Variants in BBS9 observed in about 807,000 individuals in gnomAD.
BBS9 encodes protein PTHB1.
A neutral mutation model predicts 117.7 loss-of-function variants in BBS9; 89 were observed. That is an observed-to-expected ratio of 0.76 (90% confidence interval 0.64 to 0.90). The LOEUF (loss-of-function observed/expected upper bound fraction) is 0.90. BBS9 is among the 40% of genes least tolerant of loss of function. The probability of loss-of-function intolerance (pLI) is 0.00; values close to 1 mark genes in which losing one functional copy is unlikely to be tolerated. For missense variants in BBS9, 982 were observed against 1,042.2 expected, an observed-to-expected ratio of 0.94 and a Z score of 0.80; for synonymous variants, 379 against 370.9, an observed-to-expected ratio of 1.02 and a Z score of -0.25.
chr7:33,633,955 CA>C (rs1866020747), intron 21 of BBS9, among the ~76,000 whole-genome samples: 1 of 152,192 alleles, frequency 6.6e-6, no homozygotes, highest in Non-Finnish European at 1.5e-5. Flanking sequence ...CACCTAATGC[CA>C]TGGCCCTTCT....
chr7:33,403,706 A>C (rs1216070590), intron 19 of BBS9, among the ~76,000 whole-genome samples: 1 of 151,950 alleles, frequency 6.6e-6, no homozygotes, highest in Non-Finnish European at 1.5e-5. Flanking sequence ...TTCTTAATCC[A>C]GTCTATCATT....
At chr7:33,517,927 G>A (rs1020648687) in intron 20 of BBS9, among the ~76,000 whole-genome samples, 18 of 152,166 alleles carry the variant, frequency 1.2e-4, no homozygotes, top group African/African-American at 4.1e-4. Context: ...GTAGTTATAT[G>A]TGCATGTGCT....
chr7:33,548,143 T>C (rs1197527413), intron 21 of BBS9, among the ~76,000 whole-genome samples: 2 of 152,192 alleles, frequency 1.3e-5, no homozygotes, highest in Non-Finnish European at 2.9e-5. Context: ...CCAGGGGAGT[T>C]TGAGTAATTT....
chr7:33,204,388 C>T (rs889942540), intron 5 of BBS9, among the ~76,000 whole-genome samples: 6 of 133,318 alleles, frequency 4.5e-5, no homozygotes, highest in African/African-American at 8.7e-5. Flanking sequence ...GCCTGGGTGA[C>T]GGAGCCAGAC....
At chr7:33,432,481 A>G (rs373155675) in intron 19 of BBS9, among the ~76,000 whole-genome samples, 1 of 152,104 alleles carries the variant, frequency 6.6e-6, no homozygotes, top group African/African-American at 2.4e-5. Flanking sequence ...GATTATATAC[A>G]TCTTCTGTTT....
At chr7:33,312,608 T>C (rs1809523743) in intron 9 of BBS9, among the ~76,000 whole-genome samples, 1 of 152,224 alleles carries the variant, frequency 6.6e-6, no homozygotes, top group Admixed American at 6.5e-5. Flanking sequence ...CTTTCATTTT[T>C]ATCATAATTT....
intron 19 of BBS9, among the ~76,000 whole-genome samples, chr7:33,448,428 G>C (rs1444987890): frequency 6.6e-6 from 1 of 152,094 alleles, no homozygotes; most frequent in African/African-American, 2.4e-5. Context: ...GGCGGCATGG[G>C]GTAGGACTCC....
intron 19 of BBS9, among the ~76,000 whole-genome samples, chr7:33,405,457 G>A (rs1308068852): frequency 6.6e-6 from 1 of 152,136 alleles, no homozygotes; most frequent in Non-Finnish European, 1.5e-5. Flanking sequence ...GAATTCGGCT[G>A]TGAATCCATC....
chr7:33,372,824 A>G (rs556754451), intron 17 of BBS9, among the ~76,000 whole-genome samples: 2 of 152,250 alleles, frequency 1.3e-5, no homozygotes, highest in South Asian at 4.1e-4. Flanking sequence ...AACTGATTCA[A>G]TCTTCTTACT....
chr7:33,422,146 G>A (rs933383961), intron 19 of BBS9, among the ~76,000 whole-genome samples: 2 of 152,078 alleles, frequency 1.3e-5, no homozygotes, highest in East Asian at 1.9e-4. Context: ...TTGTATGTAC[G>A]GTTATAGCTG....
intron 1 of BBS9, among the ~76,000 whole-genome samples, chr7:33,138,205 T>C (rs921565069): frequency 6.8e-6 from 1 of 147,112 alleles, no homozygotes; most frequent in African/African-American, 2.4e-5. Flanking sequence ...ATGGGAATCA[T>C]GTAACTTATC....
At chr7:33,561,762 G>A (rs1856116723) in intron 21 of BBS9, among the ~76,000 whole-genome samples, 1 of 152,118 alleles carries the variant, frequency 6.6e-6, no homozygotes, top group African/African-American at 2.4e-5. Flanking sequence ...GCTTTAATTT[G>A]TGATCTTCCA....
chr7:33,453,570 G>A (rs1264041184), intron 19 of BBS9, among the ~76,000 whole-genome samples: 1 of 148,008 alleles, frequency 6.8e-6, no homozygotes, highest in Admixed American at 6.8e-5. Context: ...TGCCCAGGCT[G>A]CAATTCAATG....
rs1402936733 is a variant in BBS9, at chr7:33,584,532, A to G, written c.2522-20333A>G. On this transcript the variant is annotated intron_variant, in intron 21 of 22. Coordinates refer to ENST00000242067, the MANE Select transcript of BBS9 (RefSeq NM_198428.3). ...AGTCCAGAGTGCTCATCATTACACT[A>G]TGGAATCTCTATTTTTTTTTGAAAA... 2.0e-5 allele frequency among the ~76,000 whole-genome samples: 3 copies of G among 152,202 alleles called. No individual in the cohort carries two copies. The East Asian group carries it at 5.8e-4, about 29-fold the overall frequency.
intron 19 of BBS9, among the ~76,000 whole-genome samples, chr7:33,416,350 A>G (rs902209281): frequency 2.6e-5 from 4 of 151,538 alleles, no homozygotes; most frequent in African/African-American, 9.7e-5. Context: ...AGGTTCTGCT[A>G]TCTTGTATCA....
intron 21 of BBS9, among the ~76,000 whole-genome samples, chr7:33,619,796 A>C (rs953865258): frequency 1.3e-5 from 2 of 152,302 alleles, no homozygotes; most frequent in South Asian, 2.1e-4. Context: ...AAGTATCTTG[A>C]GACAAAAGAA....
chr7:33,415,415 A>AG (rs1831834647), intron 19 of BBS9, among the ~76,000 whole-genome samples: 1 of 152,178 alleles, frequency 6.6e-6, no homozygotes, highest in African/African-American at 2.4e-5. Flanking sequence ...TTGGATTGAG[A>AG]GCTCTGCACT....
intron 21 of BBS9, among the ~76,000 whole-genome samples, chr7:33,573,160 T>G (rs1858119173): frequency 6.6e-6 from 1 of 152,118 alleles, no homozygotes; most frequent in African/African-American, 2.4e-5. Context: ...TCTGGTACAA[T>G]AAGACATTTT....
At chr7:33,424,668 T>G (rs915859173) in intron 19 of BBS9, among the ~76,000 whole-genome samples, 5 of 152,164 alleles carry the variant, frequency 3.3e-5, no homozygotes, top group Non-Finnish European at 7.4e-5. Context: ...TTTAACAGAA[T>G]TTTGTAGGAA....
Sources: allele counts gnomAD v4.1 joint callset (sites outside exome capture counted in the v4.1 genomes callset), GRCh38; gene constraint gnomAD v4.1.1; transcripts MANE v1.5; gene names NCBI Gene and HGNC (gene_info 2026-07-23, HGNC 2026-07-21).